The following DYNC1H1 variants were observed in gnomAD, a reference collection of about 807,000 sequenced individuals.
The protein encoded by DYNC1H1 is cytoplasmic dynein 1 heavy chain 1.
In DYNC1H1, 51 loss-of-function variants were observed where a neutral mutation model predicts 527.1. That is an observed-to-expected ratio of 0.10 (90% CI 0.08 to 0.12). DYNC1H1 has a LOEUF of 0.12. DYNC1H1 is among the 10% of genes least tolerant of loss of function. DYNC1H1 has a pLI of 1.00. For synonymous variants in DYNC1H1, 2,189 were observed against 2,278.8 expected (o/e 0.96, Z 1.12); for missense variants, 2,771 against 5,971.8 (o/e 0.46, Z 17.66).
rs143642514 is a variant in DYNC1H1 at position 102,038,781 on chromosome 14, A to G, written c.11139A>G (p.Leu3713=). The change falls in exon 59 of 78, where the codon CTA becomes CTG. Residue 3713 remains leucine (L), a synonymous_variant. Coordinates refer to ENST00000360184, the MANE Select transcript of DYNC1H1 (RefSeq NM_001376.5). The surrounding 1 kb of genome is among the most constrained non-coding windows in gnomAD (Gnocchi z 7.2). ...VTRSSLQSQC[L]NEVLKAERPD... is the part of the protein sequence containing the mutation. Reference sequence around the variant, plus strand: ...GTAGCAGTTTACAAAGCCAGTGTCTAAATGAAGTACTTAAAGCAGAAAGAC... The same window carrying G: ...GTAGCAGTTTACAAAGCCAGTGTCTGAATGAAGTACTTAAAGCAGAAAGAC... The G allele has an allele frequency of 5.3e-5, 86 of 1,614,102 alleles. No homozygotes were observed. The highest frequency in any genetic ancestry group is 6.9e-5 in the Non-Finnish European group (81 of 1,180,052).
rs1485762370 is a variant in DYNC1H1 at position 102,018,948 on chromosome 14, CAAAAT to C, written c.8343+338_8343+342del. ...TGGGTGACAGAGTGAGACTCTACCTCAAAATAAAATGAGAAGTTTATTGAAATAAA... is the reference window on the plus strand; with the variant it reads ...TGGGTGACAGAGTGAGACTCTACCTCAAAATGAGAAGTTTATTGAAATAAA... On this transcript the variant is annotated intron_variant, in intron 41 of 77. Transcript: ENST00000360184. This position sits in a 1 kb window ranked among gnomAD's most constrained non-coding sequence, Gnocchi z 5.2. Among the ~76,000 whole-genome samples the C allele has an allele frequency of 6.6e-6, 1 of 152,042 alleles. No homozygotes were observed. The highest frequency in any genetic ancestry group is 1.9e-4 in the East Asian group (1 of 5,194).
chr14:102,033,666 T>G lies in DYNC1H1; in HGVS notation c.10413+182T>G. On this transcript the variant is annotated intron_variant, in intron 54 of 77. Coordinates refer to ENST00000360184, the MANE Select transcript of DYNC1H1 (RefSeq NM_001376.5). The surrounding 1 kb of genome is among the most constrained non-coding windows in gnomAD (Gnocchi z 5.6). Reference sequence around the variant, plus strand: ...CTGAGTAGTCACTAAGTGTTGTTAATTAGGATAGATTGATACAAACTGGAC... The same window carrying G: ...CTGAGTAGTCACTAAGTGTTGTTAAGTAGGATAGATTGATACAAACTGGAC... 1.3e-6 allele frequency: 1 copy of G among 786,988 alleles called. No homozygotes were observed. 48.8% of individuals were successfully genotyped at this position (786,988 alleles called of 1,614,324 possible). A position where few individuals can be genotyped will look rare whatever the true frequency, so the allele number is the denominator to read the frequency against.
intron 16 of DYNC1H1, 72 bp from the exon 17 acceptor site, chr14:101,999,917 C>A: frequency 6.2e-7 from 1 of 1,608,522 alleles, no homozygotes; most frequent in South Asian, 1.1e-5. Flanking sequence ...CTCTGTGCAC[C>A]ATTTTAAAGC....
At chr14:102,008,488 C>T (rs184351755) in intron 29 of DYNC1H1, 151 bp downstream of exon 29, 53 of 1,187,168 alleles carry the variant, frequency 4.5e-5, no homozygotes, top group East Asian at 7.9e-5. Flanking sequence ...TGGTTAAAGA[C>T]GGAAGGTAAG....
chr14:101,986,229 C>G lies in DYNC1H1; in HGVS notation c.2004C>G (p.Val668=). Residue 668 remains valine, a synonymous_variant, in exon 8 of 78, where the codon GTC becomes GTG. Coordinates refer to ENST00000360184, the MANE Select transcript of DYNC1H1 (RefSeq NM_001376.5). This position sits in a 1 kb window ranked among gnomAD's most constrained non-coding sequence, Gnocchi z 8.7. Reference sequence around the variant, plus strand: ...CCTACATGAAGCGGGTGGAAGATGTCCTTGGCAAGGGCTGGGAGAATCACG... The same window carrying G: ...CCTACATGAAGCGGGTGGAAGATGTGCTTGGCAAGGGCTGGGAGAATCACG... The part of the protein sequence containing the change: ...LTAYMKRVED[V]LGKGWENHVE... 1 of 1,614,090 alleles carries G rather than the reference C, an allele frequency of 6.2e-7. No individual in the cohort carries two copies. The highest frequency in any genetic ancestry group is 1.1e-5 in the South Asian group (1 of 91,066).
At position 102,042,988 on chromosome 14, in the gene DYNC1H1, A is replaced by G; in HGVS notation, c.12513+240A>G. The G allele has an allele frequency of 1.8e-6, 1 of 553,826 alleles. No individual in the cohort carries two copies. The highest frequency in any genetic ancestry group is 3.3e-6 in the Non-Finnish European group (1 of 301,864). The allele number at this position is 553,826 out of a possible 1,614,324, so 34.3% of individuals were successfully genotyped here. A position where few individuals can be genotyped will look rare whatever the true frequency, so the allele number is the denominator to read the frequency against. ...GATCACTTGAGCCCAGGAGTTCAAG[A>G]CTGTCTGGGCAGGCCAGGAGTGGTG... On this transcript the variant is annotated intron_variant, in intron 69 of 77. Coordinates refer to ENST00000360184, the MANE Select transcript of DYNC1H1 (RefSeq NM_001376.5). This position sits in a 1 kb window ranked among gnomAD's most constrained non-coding sequence, Gnocchi z 5.7.
chr14:102,049,372 A>G lies in DYNC1H1; in HGVS notation c.13373-68A>G. ...CAGCCAGGATGCCTAGCACTTGCACATTTGTTCCATCTGTGCTGGGGGAGT... is the reference window on the plus strand; with the variant it reads ...CAGCCAGGATGCCTAGCACTTGCACGTTTGTTCCATCTGTGCTGGGGGAGT... On this transcript the variant is annotated intron_variant, in intron 74 of 77. Coordinates refer to ENST00000360184, the MANE Select transcript of DYNC1H1 (RefSeq NM_001376.5). This position sits in a 1 kb window ranked among gnomAD's most constrained non-coding sequence, Gnocchi z 5.5. 1.2e-6 allele frequency: 2 copies of G among 1,609,132 alleles called. No individual in the cohort carries two copies. Among genetic ancestry groups the G allele is most frequent in the Non-Finnish European group, 1.7e-6 (2 of 1,179,548 alleles).
chr14:102,032,536 T>G, intron 52 of DYNC1H1, 69 bp downstream of exon 52: 1 of 1,594,050 alleles, frequency 6.3e-7, no homozygotes, highest in Non-Finnish European at 8.6e-7. Context: ...GCACGGTGGC[T>G]CACGCCTCCA....
In DYNC1H1 at chr14:102,053,237, T is replaced by G. The variant is rs776484703; in HGVS notation, c.*2674T>G. The G allele has an allele frequency of 1.3e-5, 2 of 150,964 alleles. No homozygotes were observed. The highest frequency in any genetic ancestry group is 2.9e-5 in the Non-Finnish European group (2 of 67,854). 9.4% of individuals were successfully genotyped at this position (150,964 alleles called of 1,614,324 possible). A position where few individuals can be genotyped will look rare whatever the true frequency, so the allele number is the denominator to read the frequency against. ...CTCACTGCAACCTCCACCTCCCGGA[T>G]TCAAGCGATTCTCCTGCCTCAGCCT... On this transcript the variant is annotated 3_prime_UTR_variant, in exon 78 of 78. Transcript: ENST00000360184.
rs892378858 is a variant in DYNC1H1, at chr14:102,005,786, T to G, written c.5434-102T>G. On this transcript the variant is annotated intron_variant, in intron 26 of 77. Coordinates refer to ENST00000360184, the MANE Select transcript of DYNC1H1 (RefSeq NM_001376.5). This position sits in a 1 kb window ranked among gnomAD's most constrained non-coding sequence, Gnocchi z 4.0. ...AACATTTACTGAAAGCCATTGTAAC[T>G]GGACCTAGAACCTCAATTTCAGTTT... The G allele has an allele frequency of 3.5e-6, 5 of 1,447,774 alleles. No individual in the cohort carries two copies. In the African/African-American group the frequency reaches 7.0e-5, roughly 20 times the overall value. The allele number at this position is 1,447,774 out of a possible 1,614,324, so 89.7% of individuals were successfully genotyped here.
chr14:102,012,341 G>T lies in DYNC1H1; in HGVS notation c.6885G>T (p.Leu2295=), dbSNP rs773619052. The T allele has an allele frequency of 2.5e-6, 4 of 1,614,122 alleles. No individual in the cohort carries two copies. Among genetic ancestry groups the T allele is most frequent in the Non-Finnish European group, 3.4e-6 (4 of 1,180,054 alleles). ...TCATCGACAGCGTGAGAGGCGAGCT[G>T]CAGAAGCGCCAGTGGATCGTCTTCG... ...RKIIDSVRGE[L]QKRQWIVFDG... is the part of the protein sequence containing the mutation. The change falls in exon 34 of 78, where the codon CTG becomes CTT. Residue 2295 remains leucine (L), a synonymous_variant. Coordinates refer to ENST00000360184, the MANE Select transcript of DYNC1H1 (RefSeq NM_001376.5). The surrounding 1 kb of genome is among the most constrained non-coding windows in gnomAD (Gnocchi z 4.9).
Position 102,018,731 on chromosome 14 carries a change from TG to T in DYNC1H1, c.8343+118del. 7.2e-7 allele frequency: 1 copy of T among 1,395,592 alleles called. No individual in the cohort carries two copies. The highest frequency in any genetic ancestry group is 2.0e-5 in the Admixed American group (1 of 51,196). The allele number at this position is 1,395,592 out of a possible 1,614,324, so 86.5% of individuals were successfully genotyped here. ...ATCCCAGCATTTTGGGAGGCCAAGG[TG>T]GGTGGATCCTTTGAGCCCAGGAGTT... On this transcript the variant is annotated intron_variant, in intron 41 of 77. Coordinates refer to ENST00000360184, the MANE Select transcript of DYNC1H1 (RefSeq NM_001376.5). The surrounding 1 kb of genome is among the most constrained non-coding windows in gnomAD (Gnocchi z 5.2).
chr14:102,005,061 C>A lies in DYNC1H1; in HGVS notation c.5258C>A (p.Ser1753Ter). 6.2e-7 allele frequency: 1 copy of A among 1,614,166 alleles called. No individual in the cohort carries two copies. Among genetic ancestry groups the A allele is most frequent in the South Asian group, 1.1e-5 (1 of 91,060 alleles). The change falls in exon 26 of 78, where the codon TCA (serine) becomes TAA (stop). Residue 1753 changes from serine to a stop codon, truncating the protein, a stop_gained. Coordinates refer to ENST00000360184, the MANE Select transcript of DYNC1H1 (RefSeq NM_001376.5). LOFTEE classifies it high-confidence loss of function. This position sits in a 1 kb window ranked among gnomAD's most constrained non-coding sequence, Gnocchi z 4.0. ...TTTCAGGCCCAGCTTGTGGTTTTGT[C>A]AGCCCAGATAGCCTGGTCTGAGAAC... ...DKYQAQLVVL[S>*]AQIAWSENVE... is the part of the protein sequence containing the mutation.
intron 69 of DYNC1H1, chr14:102,043,218 G>C: frequency 3.6e-6 from 1 of 276,300 alleles, no homozygotes; most frequent in Non-Finnish European, 7.1e-6. Flanking sequence ...AGGAGGCAGA[G>C]GTTGGCAGTG....
chr14:102,048,146 G>A (rs965869049), intron 73 of DYNC1H1, 118 bp downstream of exon 73: 17 of 1,312,934 alleles, frequency 1.3e-5, no homozygotes, highest in African/African-American at 4.4e-5. Context: ...TACTCACACC[G>A]GTGTCACCTC....
rs910198617 is a variant in DYNC1H1 at position 102,020,561 on chromosome 14, C to T, written c.8507+505C>T. On this transcript the variant is annotated intron_variant, in intron 42 of 77. Coordinates refer to ENST00000360184, the MANE Select transcript of DYNC1H1 (RefSeq NM_001376.5). The surrounding 1 kb of genome is among the most constrained non-coding windows in gnomAD (Gnocchi z 4.3). The stretch of plus-strand genomic sequence containing the variant: ...GTCTGTGTTCTCATCAAAGGCTTTG[C>T]AGCTGCAGCTCTGGGGCACTGGTTT... Among the ~76,000 whole-genome samples, 4 of 152,198 alleles carry T rather than the reference C, an allele frequency of 2.6e-5. No individual in the cohort carries two copies. The highest frequency in any genetic ancestry group is 5.9e-5 in the Non-Finnish European group (4 of 68,038).
At chr14:102,047,729 G>A (rs2048745860) in intron 72 of DYNC1H1, 88 bp from the exon 73 acceptor site, 1 of 1,539,664 alleles carries the variant, frequency 6.5e-7, no homozygotes, top group African/African-American at 1.4e-5. Flanking sequence ...CTCACCATGT[G>A]GCCTTTACGT....
At position 101,983,594 on chromosome 14, in the gene DYNC1H1, G is replaced by C; in HGVS notation, c.1446G>C (p.Arg482Ser). The change falls in exon 7 of 78, where the codon AGG (arginine) becomes AGC (serine). Residue 482 changes from arginine to serine, a missense_variant. Coordinates refer to ENST00000360184, the MANE Select transcript of DYNC1H1 (RefSeq NM_001376.5). The surrounding 1 kb of genome is among the most constrained non-coding windows in gnomAD (Gnocchi z 5.3). ...QHEQLRAVIV[R>S]VLRPQVTAVA... ...AACAGCTAAGAGCTGTTATCGTCAG[G>C]GTCCTGAGGCCACAGGTAAGATTTG... The C allele has an allele frequency of 6.2e-7, 1 of 1,614,046 alleles. No individual in the cohort carries two copies. Among genetic ancestry groups the C allele is most frequent in the Non-Finnish European group, 8.5e-7 (1 of 1,179,990 alleles).
In DYNC1H1 at chr14:102,010,288, G is replaced by A. The variant is rs202202428; in HGVS notation, c.6234G>A (p.Glu2078=). 1 of 1,613,952 alleles carries A rather than the reference G, an allele frequency of 6.2e-7. No individual in the cohort carries two copies. Among genetic ancestry groups the A allele is most frequent in the Non-Finnish European group, 8.5e-7 (1 of 1,180,002 alleles). ...KIVPFFKLCD[E]QLSSQSHYDF... ...TCTTCTTTTCTAGACTATGCGATGA[G>A]CAGCTCTCTTCCCAAAGCCATTATG... is the stretch of plus-strand genomic sequence containing the variant. Residue 2078 remains glutamate, a synonymous_variant, in exon 31 of 78, where the codon GAG becomes GAA. Coordinates refer to ENST00000360184, the MANE Select transcript of DYNC1H1 (RefSeq NM_001376.5). The surrounding 1 kb of genome is among the most constrained non-coding windows in gnomAD (Gnocchi z 6.0).
Sources: allele counts gnomAD v4.1 joint callset (sites outside exome capture counted in the v4.1 genomes callset), GRCh38; gene constraint gnomAD v4.1.1; non-coding constraint Gnocchi (gnomAD v3.1); transcripts MANE v1.5; gene names NCBI Gene and HGNC (gene_info 2026-07-23, HGNC 2026-07-21).